DNAI4: variants seen among roughly 807,000 people sequenced by gnomAD.
DNAI4 encodes the protein dynein axonemal intermediate chain 4.
DNAI4 carries 85 observed loss-of-function variants against 105.8 expected under a neutral mutation model. The ratio of observed to expected loss-of-function variants is 0.80; its 90% CI spans 0.67 to 0.96. The LOEUF is 0.96. DNAI4 is among the 40% of genes least tolerant of loss of function. The pLI, the probability that DNAI4 is intolerant of heterozygous loss-of-function variation, is 0.00. For synonymous variants in DNAI4, 352 were observed against 331.5 expected (o/e 1.06, Z -0.67); for missense variants, 1,014 against 1,005.6 (o/e 1.01, Z -0.11).
At chr1:66,893,055 G>GAAAGAAAGAA (rs1226481232) in intron 3 of DNAI4, among the ~76,000 whole-genome samples, 174 bp downstream of exon 3, 49 of 80,616 alleles carry the variant, frequency 6.1e-4, no homozygotes, top group African/African-American at 2.6e-3. Context: ...AAGAAAGAAA[G>GAAAGAAAGAA]AGAGAGAGAG....
rs1419099678 is a variant in DNAI4, at chr1:66,822,435, G to C, written c.2422C>G (p.Leu808Val). ...ILFAKQTDCL[L>V]VGDSDGQVSV... is the part of the protein sequence containing the mutation. ...ACCTGTCCATCACTGTCTCCTACCA[G>C]AAGGCAATCTGTTTGTTTGGCAAAG... The change falls in exon 16 of 17, where the codon CTG becomes GTG. Residue 808 changes from leucine (L) to valine (V), a missense_variant. Transcript: ENST00000371026. 1.2e-6 allele frequency: 2 copies of C among 1,613,628 alleles called. No homozygotes were observed. Among genetic ancestry groups the C allele is most frequent in the African/African-American group, 1.3e-5 (1 of 74,992 alleles).
chr1:66,894,333 G>A (rs1316017795), intron 2 of DNAI4, among the ~76,000 whole-genome samples: 2 of 152,062 alleles, frequency 1.3e-5, no homozygotes, highest in Admixed American at 6.5e-5. Context: ...ATTTCCGTTT[G>A]GAGGGGGAGA....
At chr1:66,830,933 T>C (rs1645853173) in intron 13 of DNAI4, among the ~76,000 whole-genome samples, 1 of 131,494 alleles carries the variant, frequency 7.6e-6, no homozygotes, top group Non-Finnish European at 1.5e-5. Context: ...GCTATAATCA[T>C]ACCACTGCAC....
chr1:66,835,538 A>G (rs1276259723), intron 11 of DNAI4, 88 bp downstream of exon 11: 3 of 1,391,284 alleles, frequency 2.2e-6, no homozygotes, highest in Non-Finnish European at 3.0e-6. Flanking sequence ...AGTAACAACA[A>G]AAATATTTAC....
At chr1:66,891,064 T>C in intron 4 of DNAI4, 90 bp downstream of exon 4, 1 of 1,006,038 alleles carries the variant, frequency 9.9e-7, no homozygotes, top group Non-Finnish European at 1.6e-6. Flanking sequence ...ATCATTACCA[T>C]ATTTCTTTTA....
At chr1:66,838,140 TAAAATAA>T (rs1646070589) in intron 9 of DNAI4, among the ~76,000 whole-genome samples, 1 of 152,210 alleles carries the variant, frequency 6.6e-6, no homozygotes, top group Non-Finnish European at 1.5e-5. Context: ...ATTTCAAATG[TAAAATAA>T]AGGACACTTA....
chr1:66,847,624 T>G lies in DNAI4; in HGVS notation c.1151A>C (p.His384Pro). ...ATCTGAGTGGTCTTCCTCATCTTCATGGATTTTTGCCAGAATTACATTTTC... is the reference window on the plus strand; with the variant it reads ...ATCTGAGTGGTCTTCCTCATCTTCAGGGATTTTTGCCAGAATTACATTTTC... ...DIENVILAKIHEDEEDHSDAI... is the reference protein window; with the variant it reads ...DIENVILAKIPEDEEDHSDAI... The change falls in exon 8 of 17, where the codon CAT becomes CCT. Residue 384 changes from histidine (H) to proline (P), a missense_variant. Physicochemically the swap from His to Pro is moderately conservative, Grantham distance 77. Coordinates refer to ENST00000371026, the MANE Select transcript of DNAI4 (RefSeq NM_024763.5). 6.2e-7 allele frequency: 1 copy of G among 1,613,660 alleles called. No homozygotes were observed.
In DNAI4 at chr1:66,905,266, T is replaced by C. The variant is rs763073826; in HGVS notation, c.280A>G (p.Thr94Ala). 6.3e-7 allele frequency: 1 copy of C among 1,588,020 alleles called. No homozygotes were observed. Among genetic ancestry groups the C allele is most frequent in the Non-Finnish European group, 8.6e-7 (1 of 1,162,312 alleles). Reference protein sequence around the residue: ...ANQSRMAVSKTVLIPPELKTV... With the variant: ...ANQSRMAVSKAVLIPPELKTV... The stretch of plus-strand genomic sequence containing the variant: ...TTCAGTTCAGGTGGAATAAGCACGG[T>C]TTTGGACACAGCCATTCTGCTTTGA... The change falls in exon 2 of 17, where the codon ACC becomes GCC. Residue 94 changes from threonine to alanine, a missense_variant. Coordinates refer to ENST00000371026, the MANE Select transcript of DNAI4 (RefSeq NM_024763.5).
At chr1:66,875,515 A>G (rs1457364535) in intron 4 of DNAI4, among the ~76,000 whole-genome samples, 1 of 152,166 alleles carries the variant, frequency 6.6e-6, no homozygotes, top group Admixed American at 6.6e-5. Flanking sequence ...ATAATTGGCC[A>G]TAAACCTTTA....
intron 7 of DNAI4, among the ~76,000 whole-genome samples, chr1:66,852,252 A>G (rs1220811625): frequency 2.0e-5 from 3 of 151,884 alleles, no homozygotes; most frequent in Non-Finnish European, 2.9e-5. Context: ...AAACTCACCC[A>G]CAAAAAATCA....
chr1:66,917,845 A>T (rs1177324805), intron 1 of DNAI4, among the ~76,000 whole-genome samples: 1 of 152,236 alleles, frequency 6.6e-6, no homozygotes, highest in African/African-American at 2.4e-5. Flanking sequence ...CAAGGCTTTG[A>T]CTGAAATAGT....
At chr1:66,869,596 C>A (rs948271485) in intron 6 of DNAI4, among the ~76,000 whole-genome samples, 1 of 152,116 alleles carries the variant, frequency 6.6e-6, no homozygotes, top group Non-Finnish European at 1.5e-5. Flanking sequence ...TACTAAATAT[C>A]ATCTAGGAAT....
At chr1:66,822,248 C>A (rs994332262) in intron 16 of DNAI4, 113 bp downstream of exon 16, 14 of 1,011,658 alleles carry the variant, frequency 1.4e-5, no homozygotes, top group Non-Finnish European at 1.8e-5. Flanking sequence ...AATTTATGTT[C>A]TTTTATTATA....
chr1:66,857,814 G>GACCTCAGGTGATCTGCCC (rs1315827702), intron 7 of DNAI4, among the ~76,000 whole-genome samples: 1 of 151,936 alleles, frequency 6.6e-6, no homozygotes, highest in African/African-American at 2.4e-5. Context: ...TTGAACTCCC[G>GACCTCAGGTGATCTGCCC]ACCTCAGGTG....
At chr1:66,884,445 A>C (rs1647149232) in intron 4 of DNAI4, among the ~76,000 whole-genome samples, 1 of 152,200 alleles carries the variant, frequency 6.6e-6, no homozygotes. Context: ...ACAGTGTATA[A>C]GAGTTCCCTT....
intron 4 of DNAI4, among the ~76,000 whole-genome samples, chr1:66,879,289 A>G (rs537654139): frequency 6.6e-6 from 1 of 152,344 alleles, no homozygotes; most frequent in South Asian, 2.1e-4. Flanking sequence ...GACAGGATAT[A>G]GTCTTTTCAG....
intron 8 of DNAI4, among the ~76,000 whole-genome samples, chr1:66,845,970 C>T (rs1416743820): frequency 6.6e-6 from 1 of 151,906 alleles, no homozygotes; most frequent in Non-Finnish European, 1.5e-5. Flanking sequence ...CTGGTTTATA[C>T]ATTTTCAAAA....
chr1:66,904,490 A>C (rs920265729), intron 2 of DNAI4, among the ~76,000 whole-genome samples: 1 of 152,084 alleles, frequency 6.6e-6, no homozygotes, highest in South Asian at 2.1e-4. Context: ...TACTCTGGTG[A>C]AGTGTTAGCT....
chr1:66,922,067 G>T (rs2985816), intron 1 of DNAI4, among the ~76,000 whole-genome samples: 118,314 of 151,654 alleles, frequency 0.78, 46,479 homozygotes, highest in East Asian at 0.88. Context: ...CTGGCTCAAT[G>T]TTTTGTAGAA....
Sources: allele counts gnomAD v4.1 joint callset (sites outside exome capture counted in the v4.1 genomes callset), GRCh38; gene constraint gnomAD v4.1.1; transcripts MANE v1.5; gene names NCBI Gene and HGNC (gene_info 2026-07-23, HGNC 2026-07-21).